ARHGEF38: variants seen among roughly 807,000 people sequenced by gnomAD.
ARHGEF38 encodes Rho guanine nucleotide exchange factor 38, also known as Rho guanine nucleotide exchange factor (GEF) 38.
ARHGEF38 carries 79 observed loss-of-function variants against 79.9 expected under a neutral mutation model. That is an observed-to-expected ratio of 0.99 (90% CI 0.82 to 1.19). The LOEUF (loss-of-function observed/expected upper bound fraction) is 1.19. Ranked by LOEUF, ARHGEF38 falls within the 50% of genes most tolerant of loss-of-function variation. ARHGEF38 has a pLI of 0.00. For missense variants in ARHGEF38, 962 were observed against 907.2 expected (o/e 1.06, Z -0.78); for synonymous variants, 366 against 328.3 (o/e 1.11, Z -1.24).
At chr4:105,562,746 C>T (rs1725697362) in intron 1 of ARHGEF38, among the ~76,000 whole-genome samples, 1 of 152,070 alleles carries the variant, frequency 6.6e-6, no homozygotes, top group South Asian at 2.1e-4. Flanking sequence ...GTAACAAGGG[C>T]CTGAAGTATA....
At chr4:105,668,354 G>C (rs534495534) in intron 13 of ARHGEF38, among the ~76,000 whole-genome samples, 1 of 151,782 alleles carries the variant, frequency 6.6e-6, no homozygotes, top group Non-Finnish European at 1.5e-5. Flanking sequence ...GCTAATTTTT[G>C]TATTTTTAGT....
At chr4:105,580,070 T>G (rs957589880) in intron 1 of ARHGEF38, among the ~76,000 whole-genome samples, 9 of 151,526 alleles carry the variant, frequency 5.9e-5, no homozygotes, top group African/African-American at 2.2e-4. Flanking sequence ...GTCAGTGGTA[T>G]TACCTCTTTT....
At chr4:105,631,223 T>C (rs928513860) in intron 4 of ARHGEF38, 178 bp downstream of exon 4, 6 of 1,255,158 alleles carry the variant, frequency 4.8e-6, no homozygotes, top group Non-Finnish European at 4.0e-6. Flanking sequence ...ATTGACTTTT[T>C]TTCCCCCTGC....
chr4:105,610,272 A>G (rs533023624), intron 2 of ARHGEF38, among the ~76,000 whole-genome samples: 60 of 152,164 alleles, frequency 3.9e-4, no homozygotes, highest in African/African-American at 1.4e-3. Flanking sequence ...CCACCATGGC[A>G]CATGTATACC....
At chr4:105,631,156 T>C in intron 4 of ARHGEF38, 111 bp downstream of exon 4, 2 of 1,367,750 alleles carry the variant, frequency 1.5e-6, no homozygotes, top group South Asian at 4.5e-5. Context: ...TTATGAGACT[T>C]GCTGGGAGCT....
chr4:105,660,434 C>T (rs1322727318), intron 10 of ARHGEF38, among the ~76,000 whole-genome samples: 8 of 139,922 alleles, frequency 5.7e-5, no homozygotes, highest in African/African-American at 1.8e-4. Context: ...CTTCCTCATT[C>T]TTTTTTTTTT....
chr4:105,568,340 A>G (rs1726043066), intron 1 of ARHGEF38, among the ~76,000 whole-genome samples: 1 of 151,482 alleles, frequency 6.6e-6, no homozygotes, highest in Non-Finnish European at 1.5e-5. Context: ...TCAGGAAACA[A>G]CAGGTGCTGG....
chr4:105,579,891 T>C (rs919746715), intron 1 of ARHGEF38, among the ~76,000 whole-genome samples: 9 of 152,346 alleles, frequency 5.9e-5, no homozygotes, highest in Admixed American at 1.3e-4. Flanking sequence ...GGCTATTTAC[T>C]ACTTACTCAG....
At position 105,679,605 on chromosome 4, in the gene ARHGEF38, A is replaced by G; in HGVS notation, c.*1668A>G. ...CAGTATCTGAGCTGATGGTTGGAAA[A>G]AAATCAACAGCAGCATAAGAAATGG... On this transcript the variant is annotated 3_prime_UTR_variant, in exon 14 of 14. Transcript: ENST00000420470. The G allele has an allele frequency of 2.3e-6, 2 of 868,188 alleles. No individual in the cohort carries two copies. The highest frequency in any genetic ancestry group is 3.4e-5 in the Admixed American group (2 of 58,334). The allele number at this position is 868,188 out of a possible 1,614,324, so 53.8% of individuals were successfully genotyped here.
intron 9 of ARHGEF38, among the ~76,000 whole-genome samples, chr4:105,656,512 A>C (rs1443650638): frequency 1.3e-5 from 2 of 152,206 alleles, no homozygotes; most frequent in Non-Finnish European, 2.9e-5. Flanking sequence ...TATCTTGGGA[A>C]TCATAAAAAC....
At chr4:105,559,842 TTGAG>T (rs903271446) in intron 1 of ARHGEF38, among the ~76,000 whole-genome samples, 4 of 152,056 alleles carry the variant, frequency 2.6e-5, no homozygotes, top group African/African-American at 9.7e-5. Flanking sequence ...AAGGAAGAGA[TTGAG>T]TATTAGTGTT....
intron 1 of ARHGEF38, among the ~76,000 whole-genome samples, chr4:105,582,164 CA>C (rs33936132): frequency 6.8e-5 from 8 of 118,244 alleles, no homozygotes; most frequent in Admixed American, 9.3e-5. Flanking sequence ...GACTCCGTCT[CA>C]AAAAAAAAAA....
intron 1 of ARHGEF38, among the ~76,000 whole-genome samples, chr4:105,562,396 A>C (rs1725678642): frequency 6.6e-6 from 1 of 152,224 alleles, no homozygotes; most frequent in African/African-American, 2.4e-5. Flanking sequence ...TATCCAGTGA[A>C]TAATTACAAC....
intron 5 of ARHGEF38, among the ~76,000 whole-genome samples, chr4:105,641,721 T>C (rs1456895263): frequency 7.2e-6 from 1 of 139,830 alleles, no homozygotes; most frequent in African/African-American, 3.1e-5. Flanking sequence ...ATGTTGAATA[T>C]CTAATTTTTT....
chr4:105,675,835 A>G (rs1731100020), intron 13 of ARHGEF38, among the ~76,000 whole-genome samples: 1 of 152,158 alleles, frequency 6.6e-6, no homozygotes, highest in Admixed American at 6.6e-5. Flanking sequence ...AGGGGTGAAG[A>G]GTCTCTTTTG....
chr4:105,677,176 G>T (rs534379264), intron 13 of ARHGEF38, among the ~76,000 whole-genome samples: 1 of 152,066 alleles, frequency 6.6e-6, no homozygotes, highest in Non-Finnish European at 1.5e-5. Context: ...CGTTGGTCAT[G>T]CTGGTCTTGT....
At chr4:105,622,567 G>A (rs1341257566) in intron 3 of ARHGEF38, among the ~76,000 whole-genome samples, 1 of 152,270 alleles carries the variant, frequency 6.6e-6, no homozygotes, top group South Asian at 2.1e-4. Flanking sequence ...GTAATAAAAA[G>A]CTGGCCAACA....
Position 105,589,334 on chromosome 4 carries a change from C to G in ARHGEF38, c.283C>G (p.Arg95Gly). The part of the protein sequence containing the change: ...EHHMKRMMAK[R>G]EKIIKELIQT... Reference sequence around the variant, plus strand: ...TCATATGAAGAGGATGATGGCAAAGCGGGAAAAGATCATTAAGGAGCTGAT... The same window carrying G: ...TCATATGAAGAGGATGATGGCAAAGGGGGAAAAGATCATTAAGGAGCTGAT... The change falls in exon 2 of 14, where the codon CGG becomes GGG. Residue 95 changes from arginine to glycine, a missense_variant. Physicochemically the swap from Arg to Gly is moderately radical, Grantham distance 125. Transcript: ENST00000420470. The G allele has an allele frequency of 6.2e-7, 1 of 1,613,854 alleles. No individual in the cohort carries two copies.
intron 1 of ARHGEF38, among the ~76,000 whole-genome samples, chr4:105,582,557 A>AT (rs2110442728): frequency 6.6e-6 from 1 of 152,138 alleles, no homozygotes; most frequent in South Asian, 2.1e-4. Flanking sequence ...CTAACATTTT[A>AT]TTTTTGTTAT....
Sources: allele counts gnomAD v4.1 joint callset (sites outside exome capture counted in the v4.1 genomes callset), GRCh38; gene constraint gnomAD v4.1.1; transcripts MANE v1.5; gene names NCBI Gene and HGNC (gene_info 2026-07-23, HGNC 2026-07-21).